Variants in CSMD1 observed in about 807,000 individuals in gnomAD.
CSMD1 encodes the protein CUB and Sushi multiple domains 1.
A neutral mutation model predicts 417.5 loss-of-function variants in CSMD1; 213 were observed. That is an observed-to-expected ratio of 0.51 (90% CI 0.46 to 0.57). CSMD1 has a LOEUF of 0.57. Among genes scored for constraint, CSMD1 ranks in the 20% least tolerant of loss-of-function variants. The probability of loss-of-function intolerance (pLI) is 0.00; values close to 1 mark genes in which losing one functional copy is unlikely to be tolerated. For missense variants in CSMD1, 6,923 were observed against 4,529.7 expected (o/e 1.53, Z -15.17); for synonymous variants, 2,862 against 1,736.8 (o/e 1.65, Z -16.11).
chr8:4,003,287 C>T (rs570092161), intron 4 of CSMD1, among the ~76,000 whole-genome samples: 7 of 151,864 alleles, frequency 4.6e-5, no homozygotes, highest in African/African-American at 1.4e-4. Flanking sequence ...CAGCTACTCG[C>T]GAGGCTGAGG....
intron 69 of CSMD1, 36 bp from the exon 70 acceptor site, chr8:2,938,780 G>T (rs1346250923): frequency 6.4e-7 from 1 of 1,560,188 alleles, no homozygotes. Context: ...TAGAATCCTG[G>T]TTTCATTTGC....
intron 1 of CSMD1, among the ~76,000 whole-genome samples, chr8:4,820,093 C>T (rs1478471737): frequency 6.6e-6 from 1 of 152,146 alleles, no homozygotes; most frequent in African/African-American, 2.4e-5. Flanking sequence ...TCCAAGAAAG[C>T]CACCTAAGGC....
At chr8:4,153,333 T>A (rs1462850138) in intron 3 of CSMD1, among the ~76,000 whole-genome samples, 1 of 152,212 alleles carries the variant, frequency 6.6e-6, no homozygotes, top group Non-Finnish European at 1.5e-5. Context: ...TTGCCCCGTT[T>A]TGTGAACTTG....
chr8:3,987,415 C>A (rs926867252), intron 5 of CSMD1, among the ~76,000 whole-genome samples: 2 of 152,188 alleles, frequency 1.3e-5, no homozygotes, highest in South Asian at 2.1e-4. Flanking sequence ...CAGGGGTTGT[C>A]TGTCTCCGTT....
At chr8:3,093,268 G>C (rs1815071229) in intron 47 of CSMD1, among the ~76,000 whole-genome samples, 1 of 152,172 alleles carries the variant, frequency 6.6e-6, no homozygotes, top group South Asian at 2.1e-4. Context: ...GGCACGCCCT[G>C]AGTGGGGGCC....
intron 3 of CSMD1, among the ~76,000 whole-genome samples, chr8:4,418,760 T>G (rs574143270): frequency 7.1e-6 from 1 of 141,620 alleles, no homozygotes; most frequent in South Asian, 2.4e-4. Context: ...GATCTTCAAT[T>G]AGCCTGCTGC....
rs34791623 is a variant in CSMD1, at chr8:4,510,390, TAAAAAAAAAAAAAAA to T, written c.303-90340_303-90326del. On this transcript the variant is annotated intron_variant, in intron 2 of 69. Transcript: ENST00000635120. ...GTAGACAATTAAAAAGCATAATGCC[TAAAAAAAAAAAAAAA>T]AAAAAAAAAAAAAAAAAGCAAATAC... is the stretch of plus-strand genomic sequence containing the variant. Among the ~76,000 whole-genome samples the T allele has an allele frequency of 4.6e-3, 254 of 54,648 alleles. 3 individuals are homozygous for T. Among genetic ancestry groups the T allele is most frequent in the African/African-American group, 7.6e-3 (99 of 12,970 alleles). 35.9% of individuals were successfully genotyped at this position (54,648 alleles called of 152,430 possible).
At chr8:4,581,637 AAGTT>A (rs1563306585) in intron 2 of CSMD1, among the ~76,000 whole-genome samples, 1 of 152,234 alleles carries the variant, frequency 6.6e-6, no homozygotes, top group Non-Finnish European at 1.5e-5. Flanking sequence ...TGTTAAAAGA[AAGTT>A]AGTGGAAAGG....
At chr8:3,075,500 C>T (rs895315131) in intron 49 of CSMD1, among the ~76,000 whole-genome samples, 3 of 151,596 alleles carry the variant, frequency 2.0e-5, no homozygotes, top group South Asian at 2.1e-4. Flanking sequence ...AGGCTGGTCT[C>T]GAACTCCCAA....
chr8:3,329,544 T>TTCCCAAGGCCTATGCAATCA (rs1806757858), intron 23 of CSMD1, among the ~76,000 whole-genome samples: 1 of 152,200 alleles, frequency 6.6e-6, no homozygotes, highest in Non-Finnish European at 1.5e-5. Flanking sequence ...AGCAGTTCCC[T>TTCCCAAGGCCTATGCAATCA]TCCCAAGGCC....
At position 4,628,798 on chromosome 8, in the gene CSMD1, C is replaced by T. The variant is rs530082338; in HGVS notation, c.302+8544G>A. ...ACAGCCTCTACTGAAATCACTACAA[C>T]CTGTTAAAATTATATCTAGATCAGG... On this transcript the variant is annotated intron_variant, in intron 2 of 69. Coordinates refer to ENST00000635120, the MANE Select transcript of CSMD1 (RefSeq NM_033225.6). Among the ~76,000 whole-genome samples, 4 of 152,102 alleles carry T rather than the reference C, an allele frequency of 2.6e-5. No individual in the cohort carries two copies. The South Asian group carries it at 6.2e-4, about 24-fold the overall frequency.
At chr8:3,283,629 G>A (rs550158894) in intron 26 of CSMD1, among the ~76,000 whole-genome samples, 1 of 152,042 alleles carries the variant, frequency 6.6e-6, no homozygotes, top group Non-Finnish European at 1.5e-5. Context: ...CCTGAAGCAG[G>A]GCATAGAATA....
chr8:3,747,235 T>G (rs770651025), intron 6 of CSMD1, among the ~76,000 whole-genome samples: 2 of 152,014 alleles, frequency 1.3e-5, no homozygotes, highest in Non-Finnish European at 2.9e-5. Context: ...CGCATGAGAG[T>G]TGAAGCTTCT....
At chr8:4,187,415 G>T (rs1251733722) in intron 3 of CSMD1, among the ~76,000 whole-genome samples, 1 of 152,102 alleles carries the variant, frequency 6.6e-6, no homozygotes, top group Non-Finnish European at 1.5e-5. Context: ...GGGAGGCCAA[G>T]GCAGGCAGAT....
intron 1 of CSMD1, among the ~76,000 whole-genome samples, chr8:4,754,807 C>A (rs1563300586): frequency 6.6e-6 from 1 of 152,046 alleles, no homozygotes; most frequent in African/African-American, 2.4e-5. Flanking sequence ...CGAGATCGCA[C>A]CACTGCACTC....
intron 3 of CSMD1, among the ~76,000 whole-genome samples, chr8:4,257,954 T>A (rs1803580510): frequency 6.6e-6 from 1 of 152,110 alleles, no homozygotes; most frequent in South Asian, 2.1e-4. Context: ...ATCATTAGAA[T>A]CTTTGTCTGC....
At chr8:2,973,473 G>T (rs1398323057) in intron 56 of CSMD1, among the ~76,000 whole-genome samples, 174 bp from the exon 57 acceptor site, 2 of 152,156 alleles carry the variant, frequency 1.3e-5, no homozygotes, top group East Asian at 3.8e-4. Context: ...GCCCCAAAAT[G>T]AAAAGAATTT....
At chr8:4,733,332 C>A (rs1327720553) in intron 1 of CSMD1, among the ~76,000 whole-genome samples, 1 of 152,170 alleles carries the variant, frequency 6.6e-6, no homozygotes, top group Non-Finnish European at 1.5e-5. Context: ...ATTAGCCATG[C>A]CAATGACCCT....
chr8:4,337,048 A>T lies in CSMD1; in HGVS notation c.415+82905T>A, dbSNP rs931616516. Reference sequence around the variant, plus strand: ...CAATTATAAACTGAATTTTGCCCACACATTGCATTCTGCATCTGTTTCACT... The same window carrying T: ...CAATTATAAACTGAATTTTGCCCACTCATTGCATTCTGCATCTGTTTCACT... On this transcript the variant is annotated intron_variant, in intron 3 of 69. Transcript: ENST00000635120. Among the ~76,000 whole-genome samples, 26 of 152,216 alleles carry T rather than the reference A, an allele frequency of 1.7e-4. 1 individual carries two copies. Among genetic ancestry groups the T allele is most frequent in the African/African-American group, 6.3e-4 (26 of 41,548 alleles).
Sources: allele counts gnomAD v4.1 joint callset (sites outside exome capture counted in the v4.1 genomes callset), GRCh38; gene constraint gnomAD v4.1.1; transcripts MANE v1.5; gene names NCBI Gene and HGNC (gene_info 2026-07-23, HGNC 2026-07-21).